The following DNAH6 variants were observed in gnomAD, a reference collection of about 807,000 sequenced individuals.
The protein encoded by DNAH6 is axonemal beta dynein heavy chain 6.
DNAH6 carries 340 observed loss-of-function variants against 491.4 expected under a neutral mutation model. The ratio of observed to expected loss-of-function variants is 0.69; its 90% CI spans 0.63 to 0.76. The LOEUF (loss-of-function observed/expected upper bound fraction) is 0.76. Ranked by LOEUF, DNAH6 falls within the 30% of genes least tolerant of loss-of-function variation. The pLI is 0.00. For synonymous variants in DNAH6, 1,603 were observed against 1,686.1 expected (o/e 0.95, Z 1.21); for missense variants, 4,443 against 4,972.2 (o/e 0.89, Z 3.20).
At chr2:84,649,291 T>C (rs1410960656) in intron 33 of DNAH6, among the ~76,000 whole-genome samples, 1 of 152,192 alleles carries the variant, frequency 6.6e-6, no homozygotes, top group Non-Finnish European at 1.5e-5. Flanking sequence ...GAAGGATGCT[T>C]ATATATAAAT....
chr2:84,527,390 G>A (rs567132312), intron 3 of DNAH6, among the ~76,000 whole-genome samples: 8 of 152,156 alleles, frequency 5.3e-5, no homozygotes, highest in African/African-American at 1.7e-4. Context: ...TTCCCACTGA[G>A]TTACATAATG....
chr2:84,646,508 C>T (rs1293097048), intron 33 of DNAH6, among the ~76,000 whole-genome samples: 1 of 152,092 alleles, frequency 6.6e-6, no homozygotes, highest in Non-Finnish European at 1.5e-5. Flanking sequence ...TGCCAAATAG[C>T]CTAATTGTGA....
intron 2 of DNAH6, 68 bp downstream of exon 2, chr2:84,518,119 T>TAGA: frequency 8.2e-7 from 1 of 1,220,504 alleles, no homozygotes; most frequent in Non-Finnish European, 1.1e-6. Flanking sequence ...CTTTGGAGGA[T>TAGA]AGAAGTCATG....
At chr2:84,649,959 C>T (rs1371458606) in intron 33 of DNAH6, among the ~76,000 whole-genome samples, 1 of 152,106 alleles carries the variant, frequency 6.6e-6, no homozygotes, top group Non-Finnish European at 1.5e-5. Context: ...AGATGTTTTC[C>T]ACTTCCTGTC....
the DNAH6 span, among the ~76,000 whole-genome samples, chr2:84,496,954 A>G: frequency 1.4e-5 from 2 of 143,634 alleles, no homozygotes; most frequent in African/African-American, 5.1e-5. Context: ...TATAATTGTA[A>G]TTAGACAATA....
At chr2:84,530,485 T>C (rs568425057) in intron 4 of DNAH6, among the ~76,000 whole-genome samples, 1 of 152,076 alleles carries the variant, frequency 6.6e-6, no homozygotes, top group African/African-American at 2.4e-5. Context: ...GTGACTACAG[T>C]AGAGTGAACA....
chr2:84,624,996 A>G lies in DNAH6; in HGVS notation c.4448A>G (p.Lys1483Arg). 1 of 1,551,654 alleles carries G rather than the reference A, an allele frequency of 6.4e-7. No individual in the cohort carries two copies. The highest frequency in any genetic ancestry group is 1.2e-5 in the South Asian group (1 of 84,048). Residue 1483 changes from lysine to arginine, a missense_variant, in exon 29 of 77, where the codon AAA becomes AGA. Physicochemically the swap from Lys to Arg is conservative, Grantham distance 26. Coordinates refer to ENST00000389394, the MANE Select transcript of DNAH6 (RefSeq NM_001370.2). ...GGCACTGGGAAAACAGAGACTACCA[A>G]AGATCTGGCAAAAGCTCTTGCCATC... ...PAGTGKTETTKDLAKALAIQC... is the reference protein window; with the variant it reads ...PAGTGKTETTRDLAKALAIQC...
intron 18 of DNAH6, among the ~76,000 whole-genome samples, chr2:84,597,661 A>T (rs745888264): frequency 5.3e-5 from 8 of 152,236 alleles, no homozygotes; most frequent in African/African-American, 9.6e-5. Flanking sequence ...TTCAATACAA[A>T]TGTTCACAGC....
At chr2:84,764,196 A>T (rs1674856441) in intron 64 of DNAH6, among the ~76,000 whole-genome samples, 1 of 152,118 alleles carries the variant, frequency 6.6e-6, no homozygotes, top group Non-Finnish European at 1.5e-5. Context: ...CACAAAATTA[A>T]TCATCAAATG....
At chr2:84,785,454 C>G (rs1677086022) in intron 66 of DNAH6, among the ~76,000 whole-genome samples, 156 bp from the exon 67 acceptor site, 1 of 152,192 alleles carries the variant, frequency 6.6e-6, no homozygotes, top group Non-Finnish European at 1.5e-5. Flanking sequence ...GAGCAAGATA[C>G]AAAGCAGGCT....
intron 52 of DNAH6, 39 bp from the exon 53 acceptor site, chr2:84,706,857 T>C (rs1696505462): frequency 1.3e-6 from 2 of 1,514,312 alleles, no homozygotes; most frequent in African/African-American, 2.8e-5. Context: ...TTCAGCCTTT[T>C]TTTGGCCCTG....
rs1015479033 is a variant in DNAH6 at position 84,628,328 on chromosome 2, G to T, written c.4515+3265G>T. The stretch of plus-strand genomic sequence containing the variant: ...TGCCTTAAATGTCCCTTCATGTGTG[G>T]ATGTTCCCCAGGGCTCTGACCAGTC... On this transcript the variant is annotated intron_variant, in intron 29 of 76. Coordinates refer to ENST00000389394, the MANE Select transcript of DNAH6 (RefSeq NM_001370.2). 8.0e-4 allele frequency among the ~76,000 whole-genome samples: 121 copies of T among 152,150 alleles called. 1 individual carries two copies. Among genetic ancestry groups the T allele is most frequent in the African/African-American group, 2.8e-3 (115 of 41,438 alleles).
At chr2:84,630,497 A>G (rs1170738294) in intron 29 of DNAH6, among the ~76,000 whole-genome samples, 1 of 152,144 alleles carries the variant, frequency 6.6e-6, no homozygotes, top group African/African-American at 2.4e-5. Context: ...ACACCACAAG[A>G]ATACAATCAG....
intron 59 of DNAH6, among the ~76,000 whole-genome samples, chr2:84,719,026 A>G (rs914581020): frequency 6.6e-6 from 1 of 152,246 alleles, no homozygotes; most frequent in African/African-American, 2.4e-5. Flanking sequence ...TAAGGAGTGC[A>G]TACTAAGAAC....
chr2:84,474,542 A>G, the DNAH6 span, among the ~76,000 whole-genome samples: 1 of 152,118 alleles, frequency 6.6e-6, no homozygotes, highest in African/African-American at 2.4e-5. Context: ...CCTGGGTTAT[A>G]TCCCATATTT....
Position 84,624,937 on chromosome 2 carries a change from G to T in DNAH6, c.4389G>T (p.Gln1463His), listed in dbSNP as rs1285953706. 27 of 1,551,374 alleles carry T rather than the reference G, an allele frequency of 1.7e-5. No homozygotes were observed. The highest frequency in any genetic ancestry group is 2.3e-5 in the Non-Finnish European group (26 of 1,146,806). Residue 1463 changes from glutamine (Q) to histidine (H), a missense_variant, in exon 29 of 77, where the codon CAG becomes CAT. By Grantham distance (24) the Gln-to-His change is conservative (BLOSUM62 0). Around this residue, in one of 3 missense-constraint regions of DNAH6, gnomAD observed 2,977 missense variants for 3,296.6 expected, o/e 0.90. Transcript: ENST00000389394. ...ATCTTTGCCTCATGGGAGCTTTGCAGCTTGACCTTGGGGGTGCACCAGCTG... is the reference window on the plus strand; with the variant it reads ...ATCTTTGCCTCATGGGAGCTTTGCATCTTGACCTTGGGGGTGCACCAGCTG... ...RCYLCLMGAL[Q>H]LDLGGAPAGP... is the part of the protein sequence containing the mutation.
intron 53 of DNAH6, 107 bp from the exon 54 acceptor site, chr2:84,707,413 T>G: frequency 9.7e-7 from 1 of 1,026,974 alleles, no homozygotes. Context: ...ATTGACATCA[T>G]TAGCTAAATA....
intron 29 of DNAH6, among the ~76,000 whole-genome samples, chr2:84,627,980 A>G (rs1688037866): frequency 6.6e-6 from 1 of 152,228 alleles, no homozygotes; most frequent in South Asian, 2.1e-4. Context: ...ACTCAGGCTG[A>G]GTAGGAACTA....
At chr2:84,589,406 T>C (rs1387834469) in intron 16 of DNAH6, among the ~76,000 whole-genome samples, 1 of 152,040 alleles carries the variant, frequency 6.6e-6, no homozygotes, top group African/African-American at 2.4e-5. Context: ...CAGGGACAAA[T>C]GGGTGTAAAA....
Sources: gnomAD v4.1 joint callset for allele counts (sites outside exome capture counted in the v4.1 genomes callset) on GRCh38, gnomAD v4.1.1 for gene constraint, gnomAD v4.1.1 regional missense constraint, MANE v1.5 for transcripts, NCBI Gene and HGNC (gene_info 2026-07-23, HGNC 2026-07-21) for gene names.